FGF14: variants seen among roughly 807,000 people sequenced by gnomAD.
FGF14 encodes fibroblast growth factor 14.
A neutral mutation model predicts 25.5 loss-of-function variants in FGF14; 5 were observed. The observed-to-expected ratio is 0.20, with a 90% confidence interval of 0.10 to 0.41. The LOEUF is 0.41. Among genes scored for constraint, FGF14 ranks in the 10% least tolerant of loss-of-function variants. FGF14 has a pLI of 1.00. For missense variants in FGF14, 222 were observed against 320.1 expected, an observed-to-expected ratio of 0.69 and a Z score of 2.34; for synonymous variants, 138 against 118.3, an observed-to-expected ratio of 1.17 and a Z score of -1.08.
At chr13:102,127,174 A>C (rs2045984567) in intron 1 of FGF14, among the ~76,000 whole-genome samples, 2 of 152,170 alleles carry the variant, frequency 1.3e-5, no homozygotes, top group African/African-American at 4.8e-5. Flanking sequence ...ATTTACTCTT[A>C]AACTGAAGTC....
At chr13:102,114,455 T>G (rs2045372140) in intron 1 of FGF14, among the ~76,000 whole-genome samples, 1 of 152,174 alleles carries the variant, frequency 6.6e-6, no homozygotes, top group Non-Finnish European at 1.5e-5. Flanking sequence ...TACTTGAGCT[T>G]TTGGTGTCAA....
At chr13:101,724,933 T>G (rs575186412) in intron 4 of FGF14, among the ~76,000 whole-genome samples, 5 of 151,902 alleles carry the variant, frequency 3.3e-5, no homozygotes, top group African/African-American at 1.2e-4. Context: ...ATGAGTGAAA[T>G]ACCAAGTATC....
intron 1 of FGF14, among the ~76,000 whole-genome samples, chr13:101,915,302 G>C (rs777255000): frequency 1.3e-5 from 2 of 152,186 alleles, no homozygotes; most frequent in Non-Finnish European, 2.9e-5. Context: ...CTCACTCTTT[G>C]AGAAACACAT....
At chr13:102,294,411 G>A (rs1184646792) in intron 1 of FGF14, among the ~76,000 whole-genome samples, 4 of 146,322 alleles carry the variant, frequency 2.7e-5, no homozygotes, top group African/African-American at 1.0e-4. Context: ...AGACTGTTTG[G>A]TCCAAAAAAA....
intron 1 of FGF14, among the ~76,000 whole-genome samples, chr13:102,077,923 G>GGT (rs1192150560): frequency 6.6e-6 from 1 of 151,900 alleles, no homozygotes; most frequent in Admixed American, 6.6e-5. Flanking sequence ...TTTTAAATGT[G>GGT]GTATATATAT....
chr13:101,801,959 A>G (rs2040898240), intron 3 of FGF14: 1 of 476,272 alleles, frequency 2.1e-6, no homozygotes, highest in Admixed American at 2.2e-5. Context: ...AGAAGAACAT[A>G]AAAAGAAAAA....
intron 1 of FGF14, among the ~76,000 whole-genome samples, chr13:102,368,923 T>A (rs1031330718): frequency 3.9e-5 from 6 of 152,144 alleles, no homozygotes; most frequent in African/African-American, 1.4e-4. Flanking sequence ...TAAACATGAA[T>A]AATAATAATT....
chr13:102,356,239 A>G (rs1331177061), intron 1 of FGF14, among the ~76,000 whole-genome samples: 3 of 152,236 alleles, frequency 2.0e-5, no homozygotes, highest in Non-Finnish European at 4.4e-5. Flanking sequence ...CCCAGAAAAC[A>G]TCACTTCTTC....
chr13:102,057,283 A>G (rs570271223), intron 1 of FGF14, among the ~76,000 whole-genome samples: 2 of 152,170 alleles, frequency 1.3e-5, no homozygotes, highest in Non-Finnish European at 2.9e-5. Context: ...AGTCATAAAA[A>G]TCTTATAGTT....
At chr13:101,917,231 A>C (rs1463538321), upstream of FGF14, among the ~76,000 whole-genome samples, 5 of 152,070 alleles carry the variant, frequency 3.3e-5, no homozygotes, top group Non-Finnish European at 7.4e-5. Flanking sequence ...TTTGGAAATC[A>C]GCATCTGGAG....
At chr13:102,111,706 ATT>A (rs770481564) in intron 1 of FGF14, among the ~76,000 whole-genome samples, 4 of 149,124 alleles carry the variant, frequency 2.7e-5, no homozygotes, top group African/African-American at 1.0e-4. Context: ...ACAGAGCAAG[ATT>A]CTGTCTAAAA....
intron 3 of FGF14, among the ~76,000 whole-genome samples, chr13:101,814,883 C>T (rs552129047): frequency 9.9e-5 from 15 of 152,050 alleles, no homozygotes; most frequent in Non-Finnish European, 1.8e-4. Context: ...TCTATTTCCA[C>T]GATAGTTTTG....
intron 1 of FGF14, among the ~76,000 whole-genome samples, chr13:101,997,180 C>T (rs965885604): frequency 2.0e-5 from 3 of 152,156 alleles, no homozygotes; most frequent in South Asian, 2.1e-4. Context: ...TGTCTTTCCC[C>T]GGTAGAAAAC....
rs193158409 is a variant in FGF14, at chr13:101,738,487, G to A, written c.409-11677C>T. On this transcript the variant is annotated intron_variant, in intron 3 of 4. Transcript: ENST00000376143. The stretch of plus-strand genomic sequence containing the variant: ...TTAGCCGGGAACACATCGGCCATGA[G>A]TCCCCAGATTCTGGCAACAACTTGT... Among the ~76,000 whole-genome samples the A allele has an allele frequency of 5.3e-5, 8 of 152,244 alleles. No homozygotes were observed. In the East Asian group the frequency reaches 1.5e-3, roughly 29 times the overall value.
intron 1 of FGF14, among the ~76,000 whole-genome samples, chr13:101,908,541 T>C (rs536268959): frequency 7.9e-5 from 12 of 152,082 alleles, no homozygotes; most frequent in Non-Finnish European, 1.6e-4. Context: ...TATCCAATTA[T>C]TGGACCTCTT....
chr13:102,361,137 T>C (rs1295519282), intron 1 of FGF14, among the ~76,000 whole-genome samples: 1 of 152,198 alleles, frequency 6.6e-6, no homozygotes, highest in East Asian at 1.9e-4. Context: ...GCAATATTAA[T>C]TGATATGCTC....
intron 1 of FGF14, among the ~76,000 whole-genome samples, chr13:102,068,462 G>A (rs2042996390): frequency 6.6e-6 from 1 of 152,226 alleles, no homozygotes; most frequent in African/African-American, 2.4e-5. Context: ...CAGCTTGCAG[G>A]TAGGTGTGGA....
rs2036946197 is a variant in FGF14 at position 101,747,177 on chromosome 13, C to A, written c.409-20367G>T. ...GCCAAAGAAAGAAGCCTCAGAATAG[C>A]CTCTGGTAAAGGCAATTTAGCGACT... On this transcript the variant is annotated intron_variant, in intron 3 of 4. Coordinates refer to ENST00000376143, the MANE Select transcript of FGF14 (RefSeq NM_004115.4). Among the ~76,000 whole-genome samples, 4 of 152,004 alleles carry A rather than the reference C, an allele frequency of 2.6e-5. No individual in the cohort carries two copies. The South Asian group carries it at 8.3e-4, about 32-fold the overall frequency.
intron 1 of FGF14, among the ~76,000 whole-genome samples, chr13:102,270,084 T>C (rs2053175500): frequency 6.6e-6 from 1 of 152,168 alleles, no homozygotes; most frequent in Non-Finnish European, 1.5e-5. Flanking sequence ...AATTAATCTG[T>C]TATCTGACAA....
Sources: allele counts gnomAD v4.1 joint callset (sites outside exome capture counted in the v4.1 genomes callset), GRCh38; gene constraint gnomAD v4.1.1; transcripts MANE v1.5; gene names NCBI Gene and HGNC (gene_info 2026-07-23, HGNC 2026-07-21).